Variants in STPG2 observed in about 807,000 individuals in gnomAD.
The protein encoded by STPG2 is sperm-tail PG-rich repeat-containing protein 2.
Under a neutral mutation model 54.2 loss-of-function variants are expected in STPG2, and 56 were observed. The ratio of observed to expected loss-of-function variants is 1.03; its 90% CI spans 0.83 to 1.29. The LOEUF is 1.29. Ranked by LOEUF, STPG2 falls within the 50% of genes most tolerant of loss-of-function variation. The probability of loss-of-function intolerance (pLI) is 0.00; values close to 1 mark genes in which losing one functional copy is unlikely to be tolerated. For missense variants in STPG2, 596 were observed against 544.9 expected (o/e 1.09, Z -0.93); for synonymous variants, 200 against 181.8 (o/e 1.10, Z -0.81).
At chr4:97,687,015 A>C (rs890503200) in intron 10 of STPG2, among the ~76,000 whole-genome samples, 51 of 151,204 alleles carry the variant, frequency 3.4e-4, no homozygotes, top group Middle Eastern at 3.5e-3. Context: ...ATCTGGGCTC[A>C]CTGCAAGCTC....
intron 8 of STPG2, among the ~76,000 whole-genome samples, chr4:97,843,935 T>C (rs1256059762): frequency 3.3e-5 from 5 of 151,748 alleles, no homozygotes; most frequent in African/African-American, 1.2e-4. Flanking sequence ...TCATACAAAA[T>C]TCAGAATTTG....
intron 6 of STPG2, among the ~76,000 whole-genome samples, chr4:97,978,822 A>G (rs1734577088): frequency 6.6e-6 from 1 of 152,186 alleles, no homozygotes. Context: ...AGGGGCTTAA[A>G]GGAAAAGATG....
chr4:98,133,918 T>C (rs571328334), intron 2 of STPG2, among the ~76,000 whole-genome samples: 183 of 152,130 alleles, frequency 1.2e-3, no homozygotes, highest in African/African-American at 4.2e-3. Context: ...GATAATCTGG[T>C]CACAGATTCT....
intron 4 of STPG2, among the ~76,000 whole-genome samples, chr4:97,454,167 C>A (rs1420932438): frequency 6.6e-6 from 1 of 152,076 alleles, no homozygotes; most frequent in African/African-American, 2.4e-5. Flanking sequence ...GAAAAAGAAG[C>A]TTGCCAGGCT....
chr4:97,640,875 A>T (rs984895138), intron 10 of STPG2, among the ~76,000 whole-genome samples: 3 of 151,648 alleles, frequency 2.0e-5, no homozygotes, highest in Admixed American at 1.3e-4. Flanking sequence ...GAAAAAAGAG[A>T]CACAGTCAAG....
intron 5 of STPG2, among the ~76,000 whole-genome samples, chr4:98,080,513 C>T (rs1024742287): frequency 3.3e-5 from 5 of 152,176 alleles, no homozygotes; most frequent in African/African-American, 1.2e-4. Flanking sequence ...AACTTCATTA[C>T]CTGCCAATAA....
At chr4:97,737,754 C>T (rs191149825) in intron 9 of STPG2, among the ~76,000 whole-genome samples, 2 of 152,106 alleles carry the variant, frequency 1.3e-5, no homozygotes, top group African/African-American at 4.8e-5. Context: ...CTGAAAGTGA[C>T]GGGGAGAATG....
intron 8 of STPG2, among the ~76,000 whole-genome samples, chr4:97,901,384 A>G (rs554946680): frequency 6.6e-6 from 1 of 152,142 alleles, no homozygotes; most frequent in African/African-American, 2.4e-5. Flanking sequence ...TCAGAAAAGA[A>G]GAAGCAAAAT....
chr4:97,488,908 CAAAT>C (rs1427896556), intron 4 of STPG2, among the ~76,000 whole-genome samples: 4 of 151,744 alleles, frequency 2.6e-5, no homozygotes, highest in East Asian at 3.9e-4. Flanking sequence ...TATATATTGA[CAAAT>C]AGATAGACAG....
chr4:97,598,555 T>TA (rs35374576), intron 10 of STPG2, among the ~76,000 whole-genome samples: 18,408 of 137,654 alleles, frequency 0.13, 1,245 homozygotes, highest in South Asian at 0.25. Flanking sequence ...ATGGTACTGG[T>TA]AAAAAAAAAA....
chr4:97,671,690 G>A (rs1722701587), intron 10 of STPG2, among the ~76,000 whole-genome samples: 1 of 152,236 alleles, frequency 6.6e-6, no homozygotes, highest in Admixed American at 6.5e-5. Flanking sequence ...GCTAAAGGAG[G>A]CTGAATCCTT....
chr4:97,586,358 A>G (rs1732997839), intron 10 of STPG2, among the ~76,000 whole-genome samples: 1 of 151,954 alleles, frequency 6.6e-6, no homozygotes, highest in Non-Finnish European at 1.5e-5. Context: ...TATTTATATC[A>G]TCTAAGTCCT....
At chr4:98,071,740 G>A (rs1738010580) in intron 5 of STPG2, among the ~76,000 whole-genome samples, 1 of 152,032 alleles carries the variant, frequency 6.6e-6, no homozygotes, top group Non-Finnish European at 1.5e-5. Flanking sequence ...TTAAAAAGTG[G>A]GCAAAGGACC....
chr4:98,021,076 G>A (rs1290936299), intron 5 of STPG2, among the ~76,000 whole-genome samples: 3 of 151,966 alleles, frequency 2.0e-5, no homozygotes, highest in African/African-American at 7.3e-5. Flanking sequence ...GAATGTGCTT[G>A]CTCTTGCTTT....
intron 8 of STPG2, among the ~76,000 whole-genome samples, chr4:97,928,527 T>C (rs1732420057): frequency 6.6e-6 from 1 of 152,126 alleles, no homozygotes; most frequent in Non-Finnish European, 1.5e-5. Flanking sequence ...TATACAAGGG[T>C]CTAAAATAAA....
intron 9 of STPG2, among the ~76,000 whole-genome samples, chr4:97,764,112 G>GCACACA (rs3974908): frequency 0.036 from 5,043 of 141,120 alleles, 90 homozygotes; most frequent in African/African-American, 0.055. Flanking sequence ...AACACCACAT[G>GCACACA]CACACACACA....
rs567273679 is a variant in STPG2, at chr4:97,825,939, C to T, written c.1204+14834G>A. Among the ~76,000 whole-genome samples the T allele has an allele frequency of 4.6e-5, 7 of 152,228 alleles. No individual in the cohort carries two copies. In the South Asian group the frequency reaches 1.0e-3, roughly 23 times the overall value. On this transcript the variant is annotated intron_variant, in intron 9 of 10. Transcript: ENST00000295268. ...ATTAGGCAGGTGATGTATTAGTTTGCTAAATGCTTTAGGGTCATAAACTGA... is the reference window on the plus strand; with the variant it reads ...ATTAGGCAGGTGATGTATTAGTTTGTTAAATGCTTTAGGGTCATAAACTGA...
intron 7 of STPG2, among the ~76,000 whole-genome samples, chr4:97,966,401 T>C (rs1084783): frequency 0.84 from 127,509 of 152,176 alleles, 53,589 homozygotes; most frequent in Middle Eastern, 0.94. Flanking sequence ...CCTTTGATTG[T>C]TGTACCAGAA....
intron 5 of STPG2, among the ~76,000 whole-genome samples, chr4:98,059,148 AATG>A (rs1056210939): frequency 3.3e-5 from 5 of 152,234 alleles, no homozygotes; most frequent in Middle Eastern, 3.4e-3. Flanking sequence ...CATAATTAAA[AATG>A]ATGAAGACAA....
Sources: gnomAD v4.1 joint callset for allele counts (sites outside exome capture counted in the v4.1 genomes callset) on GRCh38, gnomAD v4.1.1 for gene constraint, MANE v1.5 for transcripts, NCBI Gene and HGNC (gene_info 2026-07-23, HGNC 2026-07-21) for gene names.